Variants in RSBN1L observed in about 807,000 individuals in gnomAD.
RSBN1L encodes lysine-specific demethylase RSBN1L.
RSBN1L carries 30 observed loss-of-function variants against 67.7 expected under a neutral mutation model. The observed-to-expected ratio is 0.44, with a 90% CI of 0.33 to 0.60. The LOEUF is 0.60. Ranked by LOEUF, RSBN1L falls within the 20% of genes least tolerant of loss-of-function variation. The probability of loss-of-function intolerance (pLI) is 0.02; values close to 1 mark genes in which losing one functional copy is unlikely to be tolerated. For missense variants in RSBN1L, 992 were observed against 1,031.7 expected (o/e 0.96, Z 0.53); for synonymous variants, 433 against 387.0 (o/e 1.12, Z -1.39).
In RSBN1L at chr7:77,715,462, A is replaced by G. The variant is rs188970060; in HGVS notation, c.586+18407A>G. The stretch of plus-strand genomic sequence containing the variant: ...TGGGATTACAGATGCCCGCCACCAC[A>G]CTCGGGTAATTTTTTAAAAATTTTT... On this transcript the variant is annotated intron_variant, in intron 1 of 7. Transcript: ENST00000334955. Among the ~76,000 whole-genome samples the G allele has an allele frequency of 2.3e-3, 350 of 151,696 alleles. 6 individuals carry two copies. Among genetic ancestry groups the G allele is most frequent in the Admixed American group, 0.021 (316 of 15,210 alleles).
At position 77,718,727 on chromosome 7, in the gene RSBN1L, A is replaced by G. The variant is rs1019598794; in HGVS notation, c.587-17683A>G. 5.3e-5 allele frequency among the ~76,000 whole-genome samples: 8 copies of G among 152,224 alleles called. No individual in the cohort carries two copies. The South Asian group carries it at 6.2e-4, about 12-fold the overall frequency. On this transcript the variant is annotated intron_variant, in intron 1 of 7. Transcript: ENST00000334955. ...TGAAGGCTGAATTATCTCTTAATGC[A>G]TAACAAACTGCCCTAAAATTTTGTG...
At chr7:77,732,372 G>A (rs1562799869) in intron 1 of RSBN1L, among the ~76,000 whole-genome samples, 1 of 152,066 alleles carries the variant, frequency 6.6e-6, no homozygotes, top group Admixed American at 6.6e-5. Flanking sequence ...TCACTCTGTT[G>A]CCCAGGCTGG....
chr7:77,734,921 G>A (rs1397249023), intron 1 of RSBN1L, among the ~76,000 whole-genome samples: 1 of 152,072 alleles, frequency 6.6e-6, no homozygotes, highest in Non-Finnish European at 1.5e-5. Context: ...AGTTATATGT[G>A]AACAGATAAG....
intron 2 of RSBN1L, among the ~76,000 whole-genome samples, chr7:77,744,442 A>G (rs1465638598): frequency 6.6e-6 from 1 of 152,036 alleles, no homozygotes; most frequent in Non-Finnish European, 1.5e-5. Flanking sequence ...GAATTTGATA[A>G]CGTTATTCAA....
At chr7:77,773,994 A>AT (rs1267810989) in intron 6 of RSBN1L, among the ~76,000 whole-genome samples, 3 of 151,926 alleles carry the variant, frequency 2.0e-5, no homozygotes, top group Non-Finnish European at 2.9e-5. Flanking sequence ...CTGTCAAATA[A>AT]TTTTTTTTAC....
intron 5 of RSBN1L, among the ~76,000 whole-genome samples, chr7:77,770,050 G>A (rs1232257405): frequency 6.6e-6 from 1 of 152,176 alleles, no homozygotes; most frequent in African/African-American, 2.4e-5. Flanking sequence ...TAGGGGAATG[G>A]TTGAATAGAT....
Position 77,773,291 on chromosome 7 carries a change from G to A in RSBN1L, c.1770G>A (p.Leu590=). 1.2e-6 allele frequency: 2 copies of A among 1,604,078 alleles called. No homozygotes were observed. The highest frequency in any genetic ancestry group is 1.7e-6 in the Non-Finnish European group (2 of 1,176,140). The change falls in exon 6 of 8, where the codon CTG becomes CTA. Residue 590 remains leucine, a synonymous_variant. Coordinates refer to ENST00000334955, the MANE Select transcript of RSBN1L (RefSeq NM_198467.3). Reference sequence around the variant, plus strand: ...AGACTACAGCTGCTGTTGGAGTGCTGAAGGCTGTGCACTGTGGAGAGTGGT... The same window carrying A: ...AGACTACAGCTGCTGTTGGAGTGCTAAAGGCTGTGCACTGTGGAGAGTGGT... ...ERQTTAAVGV[L]KAVHCGEWPD...
At chr7:77,728,896 G>C (rs761266674) in intron 1 of RSBN1L, among the ~76,000 whole-genome samples, 3 of 152,164 alleles carry the variant, frequency 2.0e-5, no homozygotes, top group Non-Finnish European at 4.4e-5. Flanking sequence ...CCTCAGGTTT[G>C]AGTTCTGGGA....
At position 77,709,364 on chromosome 7, in the gene RSBN1L, A is replaced by T. The variant is rs1196627695; in HGVS notation, c.586+12309A>T. Among the ~76,000 whole-genome samples the T allele has an allele frequency of 3.3e-5, 5 of 151,900 alleles. No homozygotes were observed. In the South Asian group the frequency reaches 8.3e-4, roughly 25 times the overall value. On this transcript the variant is annotated intron_variant, in intron 1 of 7. Coordinates refer to ENST00000334955, the MANE Select transcript of RSBN1L (RefSeq NM_198467.3). Reference sequence around the variant, plus strand: ...GAGTGCAGTGGCACAATCTTGGCTCACTGCAACCGCCACCTCCTGGGTTCA... The same window carrying T: ...GAGTGCAGTGGCACAATCTTGGCTCTCTGCAACCGCCACCTCCTGGGTTCA...
chr7:77,704,783 A>T (rs1790865489), intron 1 of RSBN1L, among the ~76,000 whole-genome samples: 1 of 152,058 alleles, frequency 6.6e-6, no homozygotes, highest in African/African-American at 2.4e-5. Flanking sequence ...GTTCGAGACT[A>T]GCCTGGCCAA....
At chr7:77,756,358 C>T (rs948453862) in intron 3 of RSBN1L, among the ~76,000 whole-genome samples, 4 of 152,084 alleles carry the variant, frequency 2.6e-5, no homozygotes, top group Non-Finnish European at 5.9e-5. Context: ...GTCTTGAACT[C>T]CTGACTTCAG....
At chr7:77,762,786 A>T (rs1584300691) in intron 3 of RSBN1L, among the ~76,000 whole-genome samples, 1 of 152,254 alleles carries the variant, frequency 6.6e-6, no homozygotes, top group South Asian at 2.1e-4. Context: ...TGATTATTAT[A>T]TTATCTCCTA....
At chr7:77,778,293 T>G (rs1349422554) in intron 6 of RSBN1L, 45 bp from the exon 7 acceptor site, 1 of 1,335,168 alleles carries the variant, frequency 7.5e-7, no homozygotes, top group Non-Finnish European at 1.1e-6. Flanking sequence ...CTCAAAAGAG[T>G]GAAGCATTTA....
chr7:77,714,854 T>A (rs1214974159), intron 1 of RSBN1L, among the ~76,000 whole-genome samples: 1 of 151,188 alleles, frequency 6.6e-6, no homozygotes, highest in East Asian at 1.9e-4. Context: ...TCCCAGCTAC[T>A]CGGGAGGCTG....
At chr7:77,758,708 C>T (rs572167047) in intron 3 of RSBN1L, among the ~76,000 whole-genome samples, 1 of 152,246 alleles carries the variant, frequency 6.6e-6, no homozygotes, top group East Asian at 1.9e-4. Flanking sequence ...TGCAGTTGAC[C>T]ACGTTCGTTT....
At chr7:77,763,369 C>T (rs978011422) in intron 3 of RSBN1L, among the ~76,000 whole-genome samples, 1 of 152,060 alleles carries the variant, frequency 6.6e-6, no homozygotes, top group Non-Finnish European at 1.5e-5. Context: ...AAATGGTTAT[C>T]GTCTCTCAAA....
intron 1 of RSBN1L, among the ~76,000 whole-genome samples, chr7:77,703,768 G>A (rs1228214807): frequency 1.3e-5 from 2 of 151,938 alleles, no homozygotes; most frequent in African/African-American, 2.4e-5. Context: ...GATTACAGGC[G>A]TGAGCCACCG....
intron 3 of RSBN1L, among the ~76,000 whole-genome samples, chr7:77,760,292 CACTT>C (rs1791683047): frequency 6.6e-6 from 1 of 152,062 alleles, no homozygotes; most frequent in Non-Finnish European, 1.5e-5. Flanking sequence ...TTGGTATTGA[CACTT>C]ACTGGCAATG....
chr7:77,765,401 G>A (rs1269583384), intron 3 of RSBN1L, 94 bp from the exon 4 acceptor site: 14 of 977,544 alleles, frequency 1.4e-5, no homozygotes, highest in African/African-American at 1.7e-5. Context: ...CAAAATGATA[G>A]CAAGCATTAT....
Sources: gnomAD v4.1 joint callset for allele counts (sites outside exome capture counted in the v4.1 genomes callset) on GRCh38, gnomAD v4.1.1 for gene constraint, MANE v1.5 for transcripts, NCBI Gene and HGNC (gene_info 2026-07-23, HGNC 2026-07-21) for gene names.